Variants in PADI1 observed in about 807,000 individuals in gnomAD.
PADI1 encodes peptidyl arginine deiminase 1, also known as protein-arginine deiminase type-1.
A neutral mutation model predicts 74.8 loss-of-function variants in PADI1; 65 were observed. That is an observed-to-expected ratio of 0.87 (90% confidence interval 0.71 to 1.07). PADI1 has a LOEUF of 1.07. PADI1 is among the 50% of genes least tolerant of loss of function. The probability of loss-of-function intolerance (pLI) is 0.00; values close to 1 mark genes in which losing one functional copy is unlikely to be tolerated. For missense variants in PADI1, 943 were observed against 854.0 expected, an observed-to-expected ratio of 1.10 and a Z score of -1.30; for synonymous variants, 371 against 336.2, an observed-to-expected ratio of 1.10 and a Z score of -1.13.
In PADI1 at chr1:17,230,143, T is replaced by C. The variant is rs2072445062; in HGVS notation, c.988T>C (p.Leu330=). ...CCTGGAGGACATGTCTTATCTGACA[T>C]TGAAAGCCAACTGCAAGCTGACCAT... ...KFLEDMSYLT[L]KANCKLTICP... is the part of the protein sequence containing the mutation. Residue 330 remains leucine (L), a synonymous_variant, in exon 9 of 16, where the codon TTG becomes CTG. Transcript: ENST00000375471. 10 of 1,614,036 alleles carry C rather than the reference T, an allele frequency of 6.2e-6. No homozygotes were observed. Among genetic ancestry groups the C allele is most frequent in the Non-Finnish European group, 6.8e-6 (8 of 1,180,002 alleles).
intron 15 of PADI1, among the ~76,000 whole-genome samples, chr1:17,241,944 C>T (rs1320864151): frequency 4.6e-5 from 7 of 152,038 alleles, no homozygotes; most frequent in Admixed American, 3.3e-4. Context: ...ATGTCGGAAT[C>T]GGCATGGAAT....
chr1:17,216,823 T>A (rs1023427710), intron 1 of PADI1, among the ~76,000 whole-genome samples: 1 of 152,022 alleles, frequency 6.6e-6, no homozygotes, highest in Non-Finnish European at 1.5e-5. Context: ...TGAGCTGAGA[T>A]CATGCCTTTG....
Position 17,237,342 on chromosome 1 carries a change from G to A in PADI1, c.1342G>A (p.Val448Met). 1 of 1,611,930 alleles carries A rather than the reference G, an allele frequency of 6.2e-7. No individual in the cohort carries two copies. Among genetic ancestry groups the A allele is most frequent in the Non-Finnish European group, 8.5e-7 (1 of 1,178,890 alleles). The change falls in exon 12 of 16, where the codon GTG becomes ATG. Residue 448 changes from valine to methionine, a missense_variant. Val to Met is a conservative substitution (Grantham distance 21). Transcript: ENST00000375471. The stretch of plus-strand genomic sequence containing the variant: ...CGGTGGGCGGCAGATGGCCAGGGCA[G>A]TGCGGAACTTCCTGAAGGCACAGCA... ...KSGGRQMARA[V>M]RNFLKAQQVQ... is the part of the protein sequence containing the mutation.
chr1:17,238,570 T>A (rs2072703830), intron 12 of PADI1, 46 bp from the exon 13 acceptor site: 3 of 1,135,838 alleles, frequency 2.6e-6, no homozygotes, highest in Middle Eastern at 2.1e-4. Flanking sequence ...CTCCTGTGTC[T>A]AAGGGGACCC....
chr1:17,239,770 A>G lies in PADI1; in HGVS notation c.1619A>G (p.Asn540Ser), dbSNP rs1466901674. ...GCAGACAGACACCTCCAGAGAGACA[A>G]TCTTCATGCACAGGTGAGAGGCAGG... ...MLADRHLQRD[N>S]LHAQKCIDWN... The change falls in exon 14 of 16, where the codon AAT becomes AGT. Residue 540 changes from asparagine (N) to serine (S), a missense_variant. Physicochemically the swap from Asn to Ser is conservative, Grantham distance 46 (BLOSUM62 1). Coordinates refer to ENST00000375471, the MANE Select transcript of PADI1 (RefSeq NM_013358.3). 1.9e-6 allele frequency: 3 copies of G among 1,613,254 alleles called. No individual in the cohort carries two copies. The highest frequency in any genetic ancestry group is 2.2e-5 in the South Asian group (2 of 91,040).
rs770365159 is a variant in PADI1, at chr1:17,205,248, C to G, written c.31C>G (p.Leu11Val). The change falls in exon 1 of 16, where the codon CTG becomes GTG. Residue 11 changes from leucine (L) to valine (V), a missense_variant. Transcript: ENST00000375471. ...CCCAAAGAGAGTTGTGCAGCTGTCC[C>G]TGAAGATGCCTACCCATGCCGTGTG... MAPKRVVQLS[L>V]KMPTHAVCVV... 2 of 1,614,028 alleles carry G rather than the reference C, an allele frequency of 1.2e-6. No individual in the cohort carries two copies. Among genetic ancestry groups the G allele is most frequent in the Non-Finnish European group, 1.7e-6 (2 of 1,179,982 alleles).
At chr1:17,206,722 T>C (rs1285460726) in intron 1 of PADI1, among the ~76,000 whole-genome samples, 1 of 144,930 alleles carries the variant, frequency 6.9e-6, no homozygotes, top group Non-Finnish European at 1.5e-5. Context: ...AGTCTCGCTC[T>C]GTCACCCAGG....
chr1:17,216,130 T>TG (rs2071971668), intron 1 of PADI1, among the ~76,000 whole-genome samples: 1 of 151,602 alleles, frequency 6.6e-6, no homozygotes, highest in Non-Finnish European at 1.5e-5. Flanking sequence ...CAAGAGGGCG[T>TG]GGGGAGGGAA....
rs372800923 is a variant in PADI1, at chr1:17,206,344, G to C, written c.92+1035G>C. On this transcript the variant is annotated intron_variant, in intron 1 of 15. Transcript: ENST00000375471. ...CCTCTGGTGATCCTCTGCTCGAGAA[G>C]CCCTTCCTGCTTCTCTGTTGGGCAG... Among the ~76,000 whole-genome samples the C allele has an allele frequency of 6.0e-4, 91 of 152,338 alleles. 1 individual carries two copies. In the East Asian group the frequency reaches 0.015, roughly 25 times the overall value.
intron 1 of PADI1, among the ~76,000 whole-genome samples, chr1:17,208,306 T>C (rs1350430159): frequency 6.6e-6 from 1 of 152,122 alleles, no homozygotes; most frequent in African/African-American, 2.4e-5. Context: ...GGTAATTGTG[T>C]GCCCCAGGGT....
chr1:17,222,473 A>G lies in PADI1; in HGVS notation c.273+3A>G, dbSNP rs1413500696. The G allele has an allele frequency of 6.2e-7, 1 of 1,609,158 alleles. No individual in the cohort carries two copies. Among genetic ancestry groups the G allele is most frequent in the African/African-American group, 1.3e-5 (1 of 74,810 alleles). On this transcript the variant is annotated splice_donor_region_variant and intron_variant, in intron 2 of 15. Transcript: ENST00000375471. ...GTAAGGAATTAAAGGACTTCAAGGT[A>G]AGAGGCCACTTTCTCATAGAAAAGG...
intron 1 of PADI1, among the ~76,000 whole-genome samples, chr1:17,219,895 C>T (rs1569778452): frequency 6.6e-6 from 1 of 151,966 alleles, no homozygotes; most frequent in Non-Finnish European, 1.5e-5. Flanking sequence ...GCTTCTTTTA[C>T]AGTACAAGAT....
intron 1 of PADI1, among the ~76,000 whole-genome samples, chr1:17,218,342 T>C (rs936856748): frequency 1.3e-5 from 2 of 152,152 alleles, no homozygotes; most frequent in African/African-American, 4.8e-5. Flanking sequence ...TACATATATA[T>C]GCATAAGAAC....
chr1:17,226,285 A>G, intron 6 of PADI1, 127 bp downstream of exon 6: 1 of 1,004,258 alleles, frequency 1.0e-6, no homozygotes, highest in Non-Finnish European at 1.5e-6. Context: ...CAACCACTCC[A>G]TCAGTACCAA....
chr1:17,245,103 G>C lies in PADI1; in HGVS notation c.*860G>C, dbSNP rs563066689. 1 of 153,612 alleles carries C rather than the reference G, an allele frequency of 6.5e-6. No individual in the cohort carries two copies. Among genetic ancestry groups the C allele is most frequent in the Admixed American group, 6.5e-5 (1 of 15,352 alleles). The allele number at this position is 153,612 out of a possible 1,614,324, so 9.5% of individuals were successfully genotyped here. A position where few individuals can be genotyped will look rare whatever the true frequency, so the allele number is the denominator to read the frequency against. On this transcript the variant is annotated 3_prime_UTR_variant, in exon 16 of 16. Transcript: ENST00000375471. The surrounding 1 kb of genome is among the most constrained non-coding windows in gnomAD (Gnocchi z 4.1). Reference sequence around the variant, plus strand: ...TCCTGGGCTGGGATTTTGGACTCTGGATTTGAAGGGAGCTGGAGCTTCCAG... The same window carrying C: ...TCCTGGGCTGGGATTTTGGACTCTGCATTTGAAGGGAGCTGGAGCTTCCAG...
At chr1:17,226,976 G>A (rs1440936565) in intron 6 of PADI1, among the ~76,000 whole-genome samples, 2 of 151,392 alleles carry the variant, frequency 1.3e-5, no homozygotes, top group Non-Finnish European at 2.9e-5. Context: ...AGCTTGCAGT[G>A]AGCTGAGATC....
intron 1 of PADI1, among the ~76,000 whole-genome samples, chr1:17,214,866 G>A (rs1054370351): frequency 2.0e-5 from 3 of 152,236 alleles, no homozygotes; most frequent in Admixed American, 6.5e-5. Flanking sequence ...CCAAGGGAAT[G>A]AGAATCAAAG....
chr1:17,214,887 G>T (rs2071932755), intron 1 of PADI1, among the ~76,000 whole-genome samples: 1 of 152,246 alleles, frequency 6.6e-6, no homozygotes, highest in South Asian at 2.1e-4. Context: ...GCAGCGCAGG[G>T]CTCACCCGGC....
intron 1 of PADI1, among the ~76,000 whole-genome samples, chr1:17,208,602 A>G (rs1170046957): frequency 1.3e-5 from 1 of 74,996 alleles, no homozygotes; most frequent in African/African-American, 4.5e-5. Context: ...TCCACCCCCC[A>G]CACCAGAGGG....
Sources: gnomAD v4.1 joint callset for allele counts (sites outside exome capture counted in the v4.1 genomes callset) on GRCh38, gnomAD v4.1.1 for gene constraint, Gnocchi (gnomAD v3.1) non-coding constraint, MANE v1.5 for transcripts, NCBI Gene and HGNC (gene_info 2026-07-23, HGNC 2026-07-21) for gene names.